Variants in GPC5 observed in about 807,000 individuals in gnomAD.
GPC5 encodes glypican 5, also known as glypican-5.
Under a neutral mutation model 53.9 loss-of-function variants are expected in GPC5, and 47 were observed. That is an observed-to-expected ratio of 0.87 (90% confidence interval 0.69 to 1.11). The LOEUF (loss-of-function observed/expected upper bound fraction) is 1.11, where lower values mean the gene tolerates loss of function less well. Among genes scored for constraint, GPC5 ranks in the 50% most tolerant of loss-of-function variants. GPC5 has a pLI of 0.00. For synonymous variants in GPC5, 286 were observed against 263.3 expected (o/e 1.09, Z -0.84); for missense variants, 748 against 713.1 (o/e 1.05, Z -0.56).
intron 7 of GPC5, among the ~76,000 whole-genome samples, chr13:92,691,341 G>T (rs1014540540): frequency 7.3e-6 from 1 of 136,796 alleles, no homozygotes; most frequent in Non-Finnish European, 1.5e-5. Context: ...AGGTGCGTCC[G>T]TCACCCCTTT....
Position 92,161,828 on chromosome 13 carries a change from T to C in GPC5, c.1561+16839T>C, listed in dbSNP as rs143400577. ...TTTTGGAGGAGATACATTAATACAA[T>C]AGGTATTGCTTGGGGATAGTTTTTA... On this transcript the variant is annotated intron_variant, in intron 7 of 7. Transcript: ENST00000377067. Among the ~76,000 whole-genome samples, 1,053 of 151,266 alleles carry C rather than the reference T, an allele frequency of 7.0e-3. 10 individuals are homozygous for C. Among genetic ancestry groups the C allele is most frequent in the African/African-American group, 0.024 (1,005 of 41,390 alleles).
chr13:91,562,598 C>A (rs2031330101), intron 2 of GPC5, among the ~76,000 whole-genome samples: 1 of 150,400 alleles, frequency 6.6e-6, no homozygotes, highest in Non-Finnish European at 1.5e-5. Context: ...GGATTACAGG[C>A]ATGCGCCATG....
chr13:92,612,614 T>C lies in GPC5; in HGVS notation c.1562-253668T>C, dbSNP rs2139097625. 2.0e-5 allele frequency among the ~76,000 whole-genome samples: 3 copies of C among 152,206 alleles called. No homozygotes were observed. The South Asian group carries it at 6.2e-4, about 32-fold the overall frequency. ...GCATCAAAGACAAACATACACAACT[T>C]CCTTTGGAATTTCAGGACTCTTATG... is the stretch of plus-strand genomic sequence containing the variant. On this transcript the variant is annotated intron_variant, in intron 7 of 7. Coordinates refer to ENST00000377067, the MANE Select transcript of GPC5 (RefSeq NM_004466.6).
chr13:91,969,529 C>A (rs1413169854), intron 6 of GPC5, among the ~76,000 whole-genome samples: 1 of 151,696 alleles, frequency 6.6e-6, no homozygotes, highest in Non-Finnish European at 1.5e-5. Flanking sequence ...GGGTACTATA[C>A]CAATTTTAAA....
At chr13:91,871,497 T>C (rs2039143827) in intron 5 of GPC5, among the ~76,000 whole-genome samples, 1 of 150,590 alleles carries the variant, frequency 6.6e-6, no homozygotes, top group South Asian at 2.1e-4. Flanking sequence ...ACCCCCAAAA[T>C]CTAAAAAAAA....
intron 5 of GPC5, among the ~76,000 whole-genome samples, chr13:91,863,783 A>G (rs1460241450): frequency 6.6e-6 from 1 of 152,118 alleles, no homozygotes; most frequent in African/African-American, 2.4e-5. Flanking sequence ...AAAAATAGAA[A>G]CCCTTTTGGA....
chr13:92,742,665 G>A (rs1353916508), intron 7 of GPC5, among the ~76,000 whole-genome samples: 1 of 152,126 alleles, frequency 6.6e-6, no homozygotes, highest in Non-Finnish European at 1.5e-5. Flanking sequence ...CCATGCCTAT[G>A]TCCTGAATGG....
chr13:91,748,317 C>T (rs983902717), intron 4 of GPC5, among the ~76,000 whole-genome samples: 1 of 152,128 alleles, frequency 6.6e-6, no homozygotes, highest in African/African-American at 2.4e-5. Context: ...TGTTGTCCTA[C>T]CTTAGAGATT....
intron 7 of GPC5, among the ~76,000 whole-genome samples, chr13:92,578,033 G>T: frequency 6.6e-6 from 1 of 152,154 alleles, no homozygotes; most frequent in East Asian, 1.9e-4. Context: ...AAATAGTTGT[G>T]GTTGCAAATG....
chr13:91,915,999 T>A (rs1390468671), intron 6 of GPC5, among the ~76,000 whole-genome samples: 1 of 152,218 alleles, frequency 6.6e-6, no homozygotes, highest in African/African-American at 2.4e-5. Flanking sequence ...TGCTACCATA[T>A]AGTAATGTGC....
At chr13:91,856,786 GA>G (rs2038972117) in intron 5 of GPC5, among the ~76,000 whole-genome samples, 1 of 151,046 alleles carries the variant, frequency 6.6e-6, no homozygotes, top group Non-Finnish European at 1.5e-5. Context: ...CATTTTTAAA[GA>G]AATCCTGTTA....
At chr13:92,271,442 CAG>C (rs1186401258) in intron 7 of GPC5, among the ~76,000 whole-genome samples, 2 of 152,268 alleles carry the variant, frequency 1.3e-5, no homozygotes, top group East Asian at 3.9e-4. Flanking sequence ...TTCCATGAAC[CAG>C]AGTCTTTTAC....
chr13:92,177,148 G>A (rs1018350629), intron 7 of GPC5, among the ~76,000 whole-genome samples: 1 of 152,142 alleles, frequency 6.6e-6, no homozygotes, highest in Non-Finnish European at 1.5e-5. Flanking sequence ...TTGGCTTACA[G>A]ACCCCTGGCT....
At chr13:92,090,737 C>G (rs11839307) in intron 6 of GPC5, among the ~76,000 whole-genome samples, 1 of 152,174 alleles carries the variant, frequency 6.6e-6, no homozygotes, top group Non-Finnish European at 1.5e-5. Flanking sequence ...TTTTGTGTAG[C>G]TGTATTTTGA....
chr13:92,444,891 AAGAC>A (rs1466057971), intron 7 of GPC5, among the ~76,000 whole-genome samples: 3 of 152,126 alleles, frequency 2.0e-5, no homozygotes, highest in Admixed American at 6.6e-5. Context: ...CAAGCTGAAA[AAGAC>A]AGAATTGTTT....
intron 1 of GPC5, among the ~76,000 whole-genome samples, chr13:91,400,590 T>C (rs1207466206): frequency 2.6e-5 from 4 of 152,198 alleles, no homozygotes; most frequent in African/African-American, 9.7e-5. Context: ...AAAGTGAGTT[T>C]GTGCGTGTGG....
chr13:92,855,676 A>T (rs1352519939), intron 7 of GPC5, among the ~76,000 whole-genome samples: 1 of 151,902 alleles, frequency 6.6e-6, no homozygotes, highest in Non-Finnish European at 1.5e-5. Flanking sequence ...GTGACATTAT[A>T]AATGATCCCA....
intron 6 of GPC5, among the ~76,000 whole-genome samples, chr13:91,932,118 C>A (rs1443789149): frequency 6.6e-6 from 1 of 151,958 alleles, no homozygotes; most frequent in Non-Finnish European, 1.5e-5. Context: ...TATTAGTCTC[C>A]AATACCAAAC....
intron 2 of GPC5, among the ~76,000 whole-genome samples, chr13:91,634,095 G>C (rs2034226927): frequency 6.6e-6 from 1 of 151,776 alleles, no homozygotes; most frequent in Admixed American, 6.6e-5. Flanking sequence ...TCATTTATTG[G>C]CTTCCTCAAA....
Sources: allele counts gnomAD v4.1 joint callset (sites outside exome capture counted in the v4.1 genomes callset), GRCh38; gene constraint gnomAD v4.1.1; transcripts MANE v1.5; gene names NCBI Gene and HGNC (gene_info 2026-07-23, HGNC 2026-07-21).